The following TAF2 variants were observed in gnomAD, a reference collection of about 807,000 sequenced individuals.
The protein encoded by TAF2 is transcription initiation factor TFIID subunit 2.
TAF2 carries 61 observed loss-of-function variants against 138.5 expected under a neutral mutation model. That is an observed-to-expected ratio of 0.44 (90% confidence interval 0.36 to 0.54). The LOEUF is 0.54. TAF2 is among the 20% of genes least tolerant of loss of function. The pLI is 0.00. For missense variants in TAF2, 1,090 were observed against 1,427.9 expected, an observed-to-expected ratio of 0.76 and a Z score of 3.81; for synonymous variants, 475 against 469.9, an observed-to-expected ratio of 1.01 and a Z score of -0.14.
chr8:119,819,444 G>C lies in TAF2; in HGVS notation c.201C>G (p.Ser67Arg). 1 of 1,611,690 alleles carries C rather than the reference G, an allele frequency of 6.2e-7. No individual in the cohort carries two copies. Among genetic ancestry groups the C allele is most frequent in the Non-Finnish European group, 8.5e-7 (1 of 1,179,272 alleles). Reference sequence around the variant, plus strand: ...TTACTCGGTATATTCTACACTGTTTGCTGTTCAACTTGATTCTATTCAAGT... The same window carrying C: ...TTACTCGGTATATTCTACACTGTTTCCTGTTCAACTTGATTCTATTCAAGT... Reference protein sequence around the residue: ...VANLNRIKLNSKQCRIYRVRI... With the variant: ...VANLNRIKLNRKQCRIYRVRI... The change falls in exon 3 of 26, where the codon AGC becomes AGG. Residue 67 changes from serine to arginine, a missense_variant. Physicochemically the swap from Ser to Arg is moderately radical, Grantham distance 110 (BLOSUM62 -1). Coordinates refer to ENST00000378164, the MANE Select transcript of TAF2 (RefSeq NM_003184.4).
At chr8:119,792,653 G>C (rs1225377425) in intron 10 of TAF2, among the ~76,000 whole-genome samples, 2 of 152,076 alleles carry the variant, frequency 1.3e-5, no homozygotes, top group Admixed American at 1.3e-4. Context: ...AAACCCCAAC[G>C]CAACAGTCTT....
In TAF2 at chr8:119,793,417, G is replaced by A. The variant is rs960227237; in HGVS notation, c.1226C>T (p.Thr409Ile). 9.9e-6 allele frequency: 16 copies of A among 1,612,724 alleles called. No homozygotes were observed. The highest frequency in any genetic ancestry group is 1.7e-5 in the Admixed American group (1 of 59,946). Residue 409 changes from threonine (T) to isoleucine (I), a missense_variant, in exon 10 of 26, where the codon ACT (threonine) becomes ATT (isoleucine). Around this residue, in one of 3 missense-constraint regions of TAF2, gnomAD observed 504 missense variants for 680.9 expected, o/e 0.74. Transcript: ENST00000378164. Reference protein sequence around the residue: ...LDKIVAYELKTGGVLLHPIFG... With the variant: ...LDKIVAYELKIGGVLLHPIFG... Reference sequence around the variant, plus strand: ...TATGGGATGTAGTAAAACCCCACCAGTTTTTAGTTCATATGCCACTATTTT... The same window carrying A: ...TATGGGATGTAGTAAAACCCCACCAATTTTTAGTTCATATGCCACTATTTT...
In TAF2 at chr8:119,819,947, C is replaced by T. The variant is rs557007290; in HGVS notation, c.139-441G>A. Among the ~76,000 whole-genome samples, 57 of 152,112 alleles carry T rather than the reference C, an allele frequency of 3.7e-4. 1 individual carries two copies. The highest frequency in any genetic ancestry group is 7.5e-4 in the Non-Finnish European group (51 of 68,028). ...TGAAGCTAACAAGTATGAGTTTCTG[C>T]TCATGAGTAAATTAGGACAGGTAAA... is the stretch of plus-strand genomic sequence containing the variant. On this transcript the variant is annotated intron_variant, in intron 2 of 25. Coordinates refer to ENST00000378164, the MANE Select transcript of TAF2 (RefSeq NM_003184.4).
At chr8:119,809,060 G>A (rs562008099) in intron 3 of TAF2, among the ~76,000 whole-genome samples, 1 of 152,170 alleles carries the variant, frequency 6.6e-6, no homozygotes, top group Non-Finnish European at 1.5e-5. Context: ...CTTTTTAGCT[G>A]GGAAAGTTCC....
At chr8:119,796,817 A>C (rs1823859913) in intron 8 of TAF2, among the ~76,000 whole-genome samples, 173 bp downstream of exon 8, 1 of 152,092 alleles carries the variant, frequency 6.6e-6, no homozygotes, top group Admixed American at 6.6e-5. Flanking sequence ...TATTGATTTC[A>C]TGGCCAAAAA....
At position 119,806,514 on chromosome 8, in the gene TAF2, G is replaced by A. The variant is rs541988219; in HGVS notation, c.300-113C>T. The A allele has an allele frequency of 7.6e-5, 62 of 817,460 alleles. No homozygotes were observed. In the East Asian group the frequency reaches 9.8e-4, roughly 13 times the overall value. 50.6% of individuals were successfully genotyped at this position (817,460 alleles called of 1,614,324 possible). A position where few individuals can be genotyped will look rare whatever the true frequency, so the allele number is the denominator to read the frequency against. ...AGATGAAGTCTCACTCTGTTGCCCA[G>A]GCCAGAGGTCAGTGGCACCATCTCA... On this transcript the variant is annotated intron_variant, in intron 3 of 25. Coordinates refer to ENST00000378164, the MANE Select transcript of TAF2 (RefSeq NM_003184.4).
chr8:119,801,363 C>G (rs1037643261), intron 6 of TAF2, among the ~76,000 whole-genome samples: 1 of 151,344 alleles, frequency 6.6e-6, no homozygotes, highest in Non-Finnish European at 1.5e-5. Flanking sequence ...GATAAGGAAA[C>G]ATTTTCTCTC....
intron 3 of TAF2, among the ~76,000 whole-genome samples, chr8:119,809,481 T>G (rs968955562): frequency 1.3e-5 from 2 of 152,212 alleles, no homozygotes; most frequent in Non-Finnish European, 2.9e-5. Flanking sequence ...TACTTTTAAT[T>G]TCCTTCAAGA....
chr8:119,822,025 CAA>C (rs1316686094), intron 2 of TAF2, among the ~76,000 whole-genome samples: 1 of 151,920 alleles, frequency 6.6e-6, no homozygotes, highest in African/African-American at 2.4e-5. Context: ...TCTCAAAAAA[CAA>C]AGACAACTGA....
intron 6 of TAF2, among the ~76,000 whole-genome samples, chr8:119,801,359 G>A (rs1824241841): frequency 6.6e-6 from 1 of 151,244 alleles, no homozygotes; most frequent in Non-Finnish European, 1.5e-5. Context: ...ATTAGATAAG[G>A]AAACATTTTC....
At chr8:119,776,006 A>C (rs1822204312) in intron 18 of TAF2, among the ~76,000 whole-genome samples, 1 of 151,986 alleles carries the variant, frequency 6.6e-6, no homozygotes, top group African/African-American at 2.4e-5. Flanking sequence ...ACAATAATGA[A>C]AGAATAAAAA....
intron 18 of TAF2, among the ~76,000 whole-genome samples, chr8:119,773,576 A>G (rs1176994758): frequency 6.6e-6 from 1 of 151,602 alleles, no homozygotes; most frequent in Non-Finnish European, 1.5e-5. Flanking sequence ...TGAGGTAAGT[A>G]AAAATATGAG....
rs200626941 is a variant in TAF2 at position 119,810,381 on chromosome 8, T to C, written c.300-3980A>G. ...TATTGTATAGACTGTACCAGTTTGT[T>C]GATCCATTGACCAGCTGAAGGGCAT... On this transcript the variant is annotated intron_variant, in intron 3 of 25. Coordinates refer to ENST00000378164, the MANE Select transcript of TAF2 (RefSeq NM_003184.4). Among the ~76,000 whole-genome samples the C allele has an allele frequency of 7.2e-5, 11 of 152,328 alleles. No homozygotes were observed. The East Asian group carries it at 2.1e-3, about 29-fold the overall frequency.
At chr8:119,785,682 A>ATTAGCTAATAAAATATC (rs2131149632) in intron 14 of TAF2, among the ~76,000 whole-genome samples, 2 of 152,346 alleles carry the variant, frequency 1.3e-5, no homozygotes, top group East Asian at 3.9e-4. Flanking sequence ...TCCTATATGA[A>ATTAGCTAATAAAATATC]TTAGCTAATA....
At chr8:119,825,695 GTTT>G (rs1826050894) in intron 2 of TAF2, among the ~76,000 whole-genome samples, 1 of 151,900 alleles carries the variant, frequency 6.6e-6, no homozygotes, top group African/African-American at 2.4e-5. Flanking sequence ...TTGTTTGTTT[GTTT>G]TTATGAGATG....
intron 22 of TAF2, among the ~76,000 whole-genome samples, chr8:119,752,814 C>A (rs541512668): frequency 1.3e-4 from 20 of 152,144 alleles, no homozygotes; most frequent in Non-Finnish European, 2.5e-4. Flanking sequence ...TGTAACTATG[C>A]AAAGTCAATA....
intron 6 of TAF2, among the ~76,000 whole-genome samples, chr8:119,798,352 A>C (rs1207271693): frequency 2.6e-5 from 4 of 152,212 alleles, no homozygotes; most frequent in Non-Finnish European, 4.4e-5. Context: ...TTAGGAGATT[A>C]AAAAATGCCT....
chr8:119,756,994 A>G (rs1383499512), intron 21 of TAF2, among the ~76,000 whole-genome samples: 1 of 152,194 alleles, frequency 6.6e-6, no homozygotes, highest in African/African-American at 2.4e-5. Context: ...GAAGAAAGAA[A>G]TTGGGTTGTA....
Position 119,760,733 on chromosome 8 carries a change from A to C in TAF2, c.2564T>G (p.Leu855Trp). ...CTTCTGAAGTACCCGTATGGCTCTC[A>C]AACAACTAGGGAAAAAAATACGTAT... ...SYRHTITVSC[L>W]RAIRVLQKNG... The change falls in exon 20 of 26, where the codon TTG (leucine) becomes TGG (tryptophan). Residue 855 changes from leucine to tryptophan, a missense_variant. By Grantham distance (61) the Leu-to-Trp change is moderately conservative (BLOSUM62 -2). Coordinates refer to ENST00000378164, the MANE Select transcript of TAF2 (RefSeq NM_003184.4). 1 of 1,613,916 alleles carries C rather than the reference A, an allele frequency of 6.2e-7. No individual in the cohort carries two copies. The highest frequency in any genetic ancestry group is 8.5e-7 in the Non-Finnish European group (1 of 1,179,894).
Sources: allele counts gnomAD v4.1 joint callset (sites outside exome capture counted in the v4.1 genomes callset), GRCh38; gene constraint gnomAD v4.1.1; regional missense constraint gnomAD v4.1.1; transcripts MANE v1.5; gene names NCBI Gene and HGNC (gene_info 2026-07-23, HGNC 2026-07-21).